The following NFIB variants were observed in gnomAD, a reference collection of about 807,000 sequenced individuals.
NFIB encodes the protein nuclear factor I B, also known as nuclear factor 1 B-type.
Under a neutral mutation model 61.5 loss-of-function variants are expected in NFIB, and 11 were observed. The ratio of observed to expected loss-of-function variants is 0.18; its 90% confidence interval spans 0.11 to 0.30. NFIB has a LOEUF of 0.30. NFIB is among the 10% of genes least tolerant of loss of function. The pLI is 1.00. For synonymous variants in NFIB, 260 were observed against 216.5 expected (o/e 1.20, Z -1.76); for missense variants, 471 against 608.9 (o/e 0.77, Z 2.38).
chr9:14,458,186 T>C, the NFIB span, among the ~76,000 whole-genome samples: 1 of 152,220 alleles, frequency 6.6e-6, no homozygotes, highest in African/African-American at 2.4e-5. Context: ...GTGGGCTTCA[T>C]CCCTGGGATG....
At chr9:14,151,204 C>G (rs748689607) in intron 4 of NFIB, among the ~76,000 whole-genome samples, 1 of 152,098 alleles carries the variant, frequency 6.6e-6, no homozygotes, top group Non-Finnish European at 1.5e-5. Context: ...ATAACACGTG[C>G]TCAACCATTG....
Position 14,146,911 on chromosome 9 carries a change from G to C in NFIB, c.807-104C>G, listed in dbSNP as rs1248776801. The C allele has an allele frequency of 2.1e-6, 3 of 1,441,838 alleles. No individual in the cohort carries two copies. The East Asian group carries it at 6.9e-5, about 33-fold the overall frequency. The allele number at this position is 1,441,838 out of a possible 1,614,324, so 89.3% of individuals were successfully genotyped here. ...ATCCTTACTGTGAAAATTTTCATAAGCACAAGTAATAATGGTGAGTATAAT... is the reference window on the plus strand; with the variant it reads ...ATCCTTACTGTGAAAATTTTCATAACCACAAGTAATAATGGTGAGTATAAT... On this transcript the variant is annotated intron_variant, in intron 5 of 10. Coordinates refer to ENST00000380953, the MANE Select transcript of NFIB (RefSeq NM_001190737.2).
At chr9:14,310,232 C>T (rs1478788122) in intron 1 of NFIB, among the ~76,000 whole-genome samples, 5 of 152,182 alleles carry the variant, frequency 3.3e-5, no homozygotes, top group Non-Finnish European at 5.9e-5. Flanking sequence ...GTCAATGCTG[C>T]CAATATTGTT....
Position 14,226,069 on chromosome 9 carries a change from T to C in NFIB, c.563-46289A>G, listed in dbSNP as rs545874909. ...AACAGAATAATTAATTGGGAAGGTA[T>C]GTACTATACATTTTAAAGAGCATTT... is the stretch of plus-strand genomic sequence containing the variant. On this transcript the variant is annotated intron_variant, in intron 2 of 10. Coordinates refer to ENST00000380953, the MANE Select transcript of NFIB (RefSeq NM_001190737.2). Among the ~76,000 whole-genome samples the C allele has an allele frequency of 3.2e-4, 48 of 151,924 alleles. No homozygotes were observed. The East Asian group carries it at 7.1e-3, about 23-fold the overall frequency.
chr9:14,522,307 T>C, the NFIB span, among the ~76,000 whole-genome samples: 1 of 136,202 alleles, frequency 7.3e-6, no homozygotes, highest in Non-Finnish European at 1.7e-5. Context: ...TGTAAACTAA[T>C]TGATTGAACA....
intron 3 of NFIB, among the ~76,000 whole-genome samples, chr9:14,159,028 T>C (rs1333488353): frequency 6.6e-6 from 1 of 152,194 alleles, no homozygotes; most frequent in African/African-American, 2.4e-5. Context: ...ATTACTCCAA[T>C]GAGAAGTCAG....
At chr9:14,219,988 A>G (rs989317666) in intron 2 of NFIB, among the ~76,000 whole-genome samples, 17 of 152,198 alleles carry the variant, frequency 1.1e-4, no homozygotes, top group African/African-American at 3.9e-4. Flanking sequence ...AAACTTTTCC[A>G]ACTCCAGTCT....
At chr9:14,247,225 A>G (rs1378381735) in intron 2 of NFIB, among the ~76,000 whole-genome samples, 1 of 152,230 alleles carries the variant, frequency 6.6e-6, no homozygotes, top group African/African-American at 2.4e-5. Context: ...GAGAACTTGA[A>G]CAGTCCACAA....
chr9:14,472,256 C>G, the NFIB span, among the ~76,000 whole-genome samples: 1 of 152,162 alleles, frequency 6.6e-6, no homozygotes, highest in African/African-American at 2.4e-5. Flanking sequence ...CTGAAATACT[C>G]CCAGACTAGG....
chr9:14,467,847 T>C, the NFIB span, among the ~76,000 whole-genome samples: 2 of 152,198 alleles, frequency 1.3e-5, no homozygotes, highest in Non-Finnish European at 1.5e-5. Flanking sequence ...TGGAAGACAC[T>C]GTTGTCCCCA....
chr9:14,468,990 C>T, the NFIB span, among the ~76,000 whole-genome samples: 1 of 152,196 alleles, frequency 6.6e-6, no homozygotes, highest in Non-Finnish European at 1.5e-5. Flanking sequence ...ACTGACATAT[C>T]CAGGTATCAG....
At chr9:14,226,399 T>C (rs1470890619) in intron 2 of NFIB, among the ~76,000 whole-genome samples, 5 of 151,780 alleles carry the variant, frequency 3.3e-5, no homozygotes, top group African/African-American at 9.7e-5. Context: ...AACTAAAAAA[T>C]TGGCCGGGCA....
chr9:14,169,916 C>G (rs939964384), intron 3 of NFIB, among the ~76,000 whole-genome samples: 3 of 152,202 alleles, frequency 2.0e-5, no homozygotes, highest in African/African-American at 7.2e-5. Flanking sequence ...GAAAGAAAAA[C>G]TGAGACTTTA....
intron 1 of NFIB, among the ~76,000 whole-genome samples, chr9:14,373,084 G>A (rs558101412): frequency 5.3e-5 from 8 of 152,264 alleles, no homozygotes; most frequent in African/African-American, 1.9e-4. Flanking sequence ...TGTTAGGAAG[G>A]TCAGGGACAA....
intron 2 of NFIB, among the ~76,000 whole-genome samples, chr9:14,221,387 A>G (rs1036973584): frequency 1.3e-5 from 2 of 152,196 alleles, no homozygotes; most frequent in African/African-American, 4.8e-5. Flanking sequence ...GAATCACACA[A>G]TATTTGTAAT....
chr9:14,395,290 T>G (rs1224504199), intron 1 of NFIB, among the ~76,000 whole-genome samples: 3 of 144,302 alleles, frequency 2.1e-5, no homozygotes, highest in African/African-American at 5.2e-5. Context: ...AGATATTCAT[T>G]AATATTTCGG....
the NFIB span, among the ~76,000 whole-genome samples, chr9:14,514,367 G>C: frequency 1.0e-4 from 15 of 143,884 alleles, no homozygotes; most frequent in African/African-American, 3.6e-4. Context: ...ACCTTTCTGG[G>C]CATGCACACC....
chr9:14,201,247 C>T (rs980550651), intron 2 of NFIB, among the ~76,000 whole-genome samples: 3 of 152,296 alleles, frequency 2.0e-5, no homozygotes, highest in African/African-American at 7.2e-5. Flanking sequence ...TGGTGGCTTC[C>T]AATTGCTAGC....
chr9:14,313,849 A>T lies in NFIB; in HGVS notation c.-338T>A, dbSNP rs939302042. The T allele has an allele frequency of 6.6e-6, 8 of 1,216,130 alleles. No individual in the cohort carries two copies. The African/African-American group carries it at 1.1e-4, about 17-fold the overall frequency. 75.3% of individuals were successfully genotyped at this position (1,216,130 alleles called of 1,614,324 possible). A position where few individuals can be genotyped will look rare whatever the true frequency, so the allele number is the denominator to read the frequency against. ...TTTGGGGATTTGTTTTCTATTTTGCAGTTGTTGTTGTTGTTGGGGTGTAGG... is the reference window on the plus strand; with the variant it reads ...TTTGGGGATTTGTTTTCTATTTTGCTGTTGTTGTTGTTGTTGGGGTGTAGG... On this transcript the variant is annotated 5_prime_UTR_variant, in exon 1 of 11. Transcript: ENST00000380953. This position sits in a 1 kb window ranked among gnomAD's most constrained non-coding sequence, Gnocchi z 4.5.
Sources: allele counts gnomAD v4.1 joint callset (sites outside exome capture counted in the v4.1 genomes callset), GRCh38; gene constraint gnomAD v4.1.1; non-coding constraint Gnocchi (gnomAD v3.1); transcripts MANE v1.5; gene names NCBI Gene and HGNC (gene_info 2026-07-23, HGNC 2026-07-21).